KLHDC4: variants seen among roughly 807,000 people sequenced by gnomAD.
KLHDC4 encodes the protein kelch domain-containing protein 4.
In KLHDC4, 90 loss-of-function variants were observed where a neutral mutation model predicts 62.4. That is an observed-to-expected ratio of 1.44 (90% CI 1.22 to 1.72). The LOEUF is 1.72. KLHDC4 is among the 40% of genes most tolerant of loss of function. The pLI, the probability that KLHDC4 is intolerant of heterozygous loss-of-function variation, is 0.00. For synonymous variants in KLHDC4, 386 were observed against 284.4 expected, an observed-to-expected ratio of 1.36 and a Z score of -3.59; for missense variants, 1,025 against 699.7, an observed-to-expected ratio of 1.47 and a Z score of -5.25.
At chr16:87,741,926 A>C (rs575004879) in intron 5 of KLHDC4, among the ~76,000 whole-genome samples, 6 of 152,332 alleles carry the variant, frequency 3.9e-5, no homozygotes, top group African/African-American at 1.4e-4. Flanking sequence ...AGCAACGCCT[A>C]TTCCGTTTCC....
At chr16:87,708,993 G>A (rs1359515506) in intron 10 of KLHDC4, among the ~76,000 whole-genome samples, 1 of 152,234 alleles carries the variant, frequency 6.6e-6, no homozygotes. Flanking sequence ...AGCATGCTGT[G>A]GACGGAGCAG....
intron 4 of KLHDC4, among the ~76,000 whole-genome samples, chr16:87,753,782 C>T (rs142712579): frequency 6.3e-5 from 9 of 143,626 alleles, no homozygotes; most frequent in Non-Finnish European, 1.2e-4. Flanking sequence ...GCCTGGGCAA[C>T]AAGAGAGAGA....
exon 1 of KLHDC4, chr16:87,698,494 A>C (rs945356470): frequency 1.3e-5 from 2 of 152,262 alleles, no homozygotes; most frequent in African/African-American, 2.4e-5. Context: ...ACACCATGAG[A>C]CATGCACAGA....
exon 1 of KLHDC4, chr16:87,701,953 C>G (rs1381370814): frequency 2.2e-6 from 1 of 456,222 alleles, no homozygotes; most frequent in Non-Finnish European, 4.4e-6. Context: ...TGGGGCTCTG[C>G]TCTGTCCTTC....
chr16:87,748,227 G>A (rs921174448), intron 5 of KLHDC4, among the ~76,000 whole-genome samples: 62 of 152,312 alleles, frequency 4.1e-4, no homozygotes, highest in African/African-American at 1.5e-3. Flanking sequence ...TCACTGAAGA[G>A]AAATGTCAAC....
intron 6 of KLHDC4, among the ~76,000 whole-genome samples, chr16:87,727,860 C>G (rs1459568583): frequency 6.6e-6 from 1 of 152,124 alleles, no homozygotes; most frequent in Non-Finnish European, 1.5e-5. Context: ...AGTCACAGGG[C>G]GTTTACCCAG....
intron 7 of KLHDC4, among the ~76,000 whole-genome samples, chr16:87,721,277 G>A (rs1396360357): frequency 4.6e-5 from 7 of 151,992 alleles, no homozygotes; most frequent in Non-Finnish European, 7.4e-5. Context: ...AAAATTAGCC[G>A]GGTGTGGTGG....
At chr16:87,732,511 A>G (rs1182377510) in intron 5 of KLHDC4, among the ~76,000 whole-genome samples, 1 of 152,238 alleles carries the variant, frequency 6.6e-6, no homozygotes, top group Non-Finnish European at 1.5e-5. Flanking sequence ...TGGCAATAAA[A>G]AAATACAAAA....
At chr16:87,745,957 T>C (rs896236430) in intron 5 of KLHDC4, among the ~76,000 whole-genome samples, 1 of 151,960 alleles carries the variant, frequency 6.6e-6, no homozygotes, top group Non-Finnish European at 1.5e-5. Context: ...TGCTGAGCAG[T>C]AGAAATACAG....
rs141900827 is a variant in KLHDC4, at chr16:87,701,936, T to C, written c.579A>G (p.Pro193=). 984 of 456,068 alleles carry C rather than the reference T, an allele frequency of 2.2e-3. 8 individuals are homozygous for C. The highest frequency in any genetic ancestry group is 0.014 in the African/African-American group (706 of 50,096). The allele number at this position is 456,068 out of a possible 1,614,324, so 28.3% of individuals were successfully genotyped here. A position where few individuals can be genotyped will look rare whatever the true frequency, so the allele number is the denominator to read the frequency against. Reference sequence around the variant, plus strand: ...GTGCTCCCTCGGGCCCTCCCAGCAGTGGTAGATGGGGCTCTGCTCTGTCCT... The same window carrying C: ...GTGCTCCCTCGGGCCCTCCCAGCAGCGGTAGATGGGGCTCTGCTCTGTCCT... Residue 193 remains proline (P), a synonymous_variant, in exon 1 of 1, where the codon CCA becomes CCG. Transcript: ENST00000446344.
intron 3 of KLHDC4, 127 bp from the exon 4 acceptor site, chr16:87,755,419 C>G (rs1373328424): frequency 3.5e-6 from 2 of 577,242 alleles, no homozygotes; most frequent in Non-Finnish European, 6.2e-6. Flanking sequence ...CATACCAGCA[C>G]AGGGAGGCCA....
intron 7 of KLHDC4, among the ~76,000 whole-genome samples, chr16:87,716,449 T>G (rs956933642): frequency 6.6e-6 from 1 of 152,188 alleles, no homozygotes; most frequent in Non-Finnish European, 1.5e-5. Flanking sequence ...CAGCTGCCAC[T>G]AGGAGCCTTT....
chr16:87,736,158 C>G (rs964556477), intron 5 of KLHDC4, among the ~76,000 whole-genome samples: 2 of 152,204 alleles, frequency 1.3e-5, no homozygotes, highest in South Asian at 2.1e-4. Context: ...AAGGCACAGC[C>G]TGCCACACGC....
At position 87,755,278 on chromosome 16, in the gene KLHDC4, G is replaced by C. The variant is rs746681025; in HGVS notation, c.285C>G (p.Asn95Lys). Residue 95 changes from asparagine (N) to lysine (K), a missense_variant, in exon 4 of 12, where the codon AAC (asparagine) becomes AAG (lysine). By Grantham distance (94) the Asn-to-Lys change is moderately conservative. Transcript: ENST00000270583. ...TTCTGGTATTGTAGACATAGAGCTC[G>C]TTATACAAAAAAGTCTACAGGAAGG... ...YFNGQKTFLY[N>K]ELYVYNTRKD... 6.3e-7 allele frequency: 1 copy of C among 1,596,998 alleles called. No homozygotes were observed. The highest frequency in any genetic ancestry group is 8.6e-7 in the Non-Finnish European group (1 of 1,165,168).
chr16:87,747,280 A>C (rs899994769), intron 5 of KLHDC4, among the ~76,000 whole-genome samples: 3 of 152,230 alleles, frequency 2.0e-5, no homozygotes, highest in African/African-American at 7.2e-5. Flanking sequence ...CTCACCTGTC[A>C]ATTGTGAACA....
At chr16:87,722,456 C>T (rs140095354) in intron 7 of KLHDC4, among the ~76,000 whole-genome samples, 199 of 152,304 alleles carry the variant, frequency 1.3e-3, no homozygotes, top group African/African-American at 3.0e-3. Context: ...TTCATGAACC[C>T]GAGCTCTTCA....
At chr16:87,732,694 G>A (rs1226312701) in intron 5 of KLHDC4, among the ~76,000 whole-genome samples, 1 of 152,178 alleles carries the variant, frequency 6.6e-6, no homozygotes, top group African/African-American at 2.4e-5. Context: ...TTAAAATACT[G>A]CATGTCACGG....
exon 1 of KLHDC4, chr16:87,701,180 C>G (rs747074837): frequency 4.7e-6 from 1 of 211,974 alleles, no homozygotes; most frequent in African/African-American, 2.3e-5. Context: ...AACAAGGGTC[C>G]GTGGCAACCA....
chr16:87,754,618 C>T (rs996363585), intron 4 of KLHDC4, among the ~76,000 whole-genome samples: 4 of 152,190 alleles, frequency 2.6e-5, no homozygotes, highest in Non-Finnish European at 4.4e-5. Context: ...ATTTTCTGTG[C>T]GAGTCTAACT....
Sources: allele counts gnomAD v4.1 joint callset (sites outside exome capture counted in the v4.1 genomes callset), GRCh38; gene constraint gnomAD v4.1.1; transcripts MANE v1.5; gene names NCBI Gene and HGNC (gene_info 2026-07-23, HGNC 2026-07-21).